The following ADAM2 variants were observed in gnomAD, a reference collection of about 807,000 sequenced individuals.
ADAM2 encodes disintegrin and metalloproteinase domain-containing protein 2.
Under a neutral mutation model 99.3 loss-of-function variants are expected in ADAM2, and 101 were observed. That is an observed-to-expected ratio of 1.02 (90% confidence interval 0.87 to 1.20). The LOEUF is 1.20. ADAM2 is among the 50% of genes most tolerant of loss of function. The pLI is 0.00. For missense variants in ADAM2, 948 were observed against 878.7 expected (o/e 1.08, Z -1.00); for synonymous variants, 323 against 287.6 (o/e 1.12, Z -1.25).
chr8:39,774,614 T>C (rs1416928596), intron 11 of ADAM2: 1 of 151,890 alleles, frequency 6.6e-6, no homozygotes, highest in Non-Finnish European at 1.5e-5. Context: ...AAGGAACAGG[T>C]CCCAACCATG....
rs187400927 is a variant in ADAM2 at position 39,801,264 on chromosome 8, G to A, written c.570+8146C>T. Among the ~76,000 whole-genome samples, 310 of 152,226 alleles carry A rather than the reference G, an allele frequency of 2.0e-3. 3 individuals are homozygous for A. The highest frequency in any genetic ancestry group is 3.0e-3 in the Non-Finnish European group (203 of 68,020). ...CGGCTTGTTTTTCTTTCAATAGTCAGGTCCCTCTTCTGTAGGGCTGCTGCA... is the reference window on the plus strand; with the variant it reads ...CGGCTTGTTTTTCTTTCAATAGTCAAGTCCCTCTTCTGTAGGGCTGCTGCA... On this transcript the variant is annotated intron_variant, in intron 7 of 20. Coordinates refer to ENST00000265708, the MANE Select transcript of ADAM2 (RefSeq NM_001464.5).
At position 39,743,943 on chromosome 8, in the gene ADAM2, C is replaced by A. The variant is rs1479043385; in HGVS notation, c.*152G>T. ...TATCTGTGAAATTATACATATATAT[C>A]ATATTTTCTGGTCAAATTAAAATCA... On this transcript the variant is annotated 3_prime_UTR_variant, in exon 21 of 21. Transcript: ENST00000265708. 1 of 152,054 alleles carries A rather than the reference C, an allele frequency of 6.6e-6. No homozygotes were observed. Among genetic ancestry groups the A allele is most frequent in the African/African-American group, 2.4e-5 (1 of 41,406 alleles). The allele number at this position is 152,054 out of a possible 1,614,324, so 9.4% of individuals were successfully genotyped here.
intron 11 of ADAM2, among the ~76,000 whole-genome samples, chr8:39,770,497 G>C (rs1222749975): frequency 1.3e-5 from 2 of 152,096 alleles, no homozygotes; most frequent in African/African-American, 4.8e-5. Context: ...GTATAACACA[G>C]TGTTTCAGAA....
intron 10 of ADAM2, among the ~76,000 whole-genome samples, chr8:39,782,434 C>T (rs1449831600): frequency 6.6e-6 from 1 of 151,808 alleles, no homozygotes; most frequent in African/African-American, 2.4e-5. Context: ...AGAATTAGCC[C>T]CTCCTTTTGT....
intron 16 of ADAM2, among the ~76,000 whole-genome samples, chr8:39,753,825 A>T (rs1802049837): frequency 6.6e-6 from 1 of 151,816 alleles, no homozygotes; most frequent in African/African-American, 2.4e-5. Context: ...ACACACACAC[A>T]CACACTCACA....
intron 6 of ADAM2, among the ~76,000 whole-genome samples, chr8:39,818,630 G>C (rs922125468): frequency 2.2e-4 from 34 of 152,040 alleles, no homozygotes; most frequent in African/African-American, 8.2e-4. Flanking sequence ...AAAGAAACAA[G>C]ATAAACTATC....
intron 20 of ADAM2, among the ~76,000 whole-genome samples, chr8:39,744,375 T>G (rs528475648): frequency 6.6e-6 from 1 of 152,216 alleles, no homozygotes; most frequent in East Asian, 1.9e-4. Flanking sequence ...TATAGCTATA[T>G]GACTGTCACT....
chr8:39,803,236 G>A (rs1804290194), intron 7 of ADAM2, among the ~76,000 whole-genome samples: 1 of 152,008 alleles, frequency 6.6e-6, no homozygotes, highest in Non-Finnish European at 1.5e-5. Flanking sequence ...GGCAAAAGGT[G>A]GAAACTTAAA....
intron 11 of ADAM2, among the ~76,000 whole-genome samples, chr8:39,774,957 G>A (rs1011513829): frequency 6.6e-6 from 1 of 152,048 alleles, no homozygotes; most frequent in East Asian, 1.9e-4. Context: ...ATTTTATGTG[G>A]GTGGTGATTC....
At chr8:39,765,765 C>A (rs975335143) in intron 14 of ADAM2, among the ~76,000 whole-genome samples, 1 of 151,936 alleles carries the variant, frequency 6.6e-6, no homozygotes, top group Non-Finnish European at 1.5e-5. Flanking sequence ...TTTTGTTTTT[C>A]TTCAAACCAA....
At chr8:39,782,899 C>T (rs1803292429) in intron 10 of ADAM2, among the ~76,000 whole-genome samples, 1 of 152,080 alleles carries the variant, frequency 6.6e-6, no homozygotes, top group Admixed American at 6.5e-5. Context: ...TTATTTCCTA[C>T]TTTATAGCGT....
At chr8:39,809,984 T>G (rs1240303849) in intron 6 of ADAM2, among the ~76,000 whole-genome samples, 1 of 152,024 alleles carries the variant, frequency 6.6e-6, no homozygotes, top group Non-Finnish European at 1.5e-5. Context: ...AGACACAGAC[T>G]GGAAAAATTG....
intron 1 of ADAM2, 111 bp downstream of exon 1, chr8:39,838,020 T>G (rs181934518): frequency 7.4e-6 from 9 of 1,221,816 alleles, no homozygotes; most frequent in Admixed American, 1.9e-5. Context: ...AATTGCTGAG[T>G]TGGAAACCCC....
At chr8:39,796,403 G>T (rs953668891) in intron 7 of ADAM2, among the ~76,000 whole-genome samples, 1 of 152,110 alleles carries the variant, frequency 6.6e-6, no homozygotes, top group Non-Finnish European at 1.5e-5. Context: ...AGTATTCCAT[G>T]GTGTATATGT....
chr8:39,824,785 A>G (rs375287420), intron 4 of ADAM2, 34 bp downstream of exon 4: 1 of 1,156,698 alleles, frequency 8.6e-7, no homozygotes, highest in Non-Finnish European at 1.3e-6. Context: ...AGACACTCAC[A>G]TGACAAAAAT....
At chr8:39,766,822 A>G in intron 14 of ADAM2, 26 bp downstream of exon 14, 1 of 1,522,098 alleles carries the variant, frequency 6.6e-7, no homozygotes, top group Non-Finnish European at 8.9e-7. Flanking sequence ...AAACGCATAT[A>G]TGAGAAATCA....
chr8:39,833,651 C>T (rs900935877), intron 3 of ADAM2, among the ~76,000 whole-genome samples: 1 of 151,828 alleles, frequency 6.6e-6, no homozygotes, highest in Admixed American at 6.6e-5. Context: ...TAAAAATAAG[C>T]CATATATATT....
At chr8:39,758,611 G>T (rs1292967378) in intron 15 of ADAM2, among the ~76,000 whole-genome samples, 1 of 151,322 alleles carries the variant, frequency 6.6e-6, no homozygotes, top group Admixed American at 6.6e-5. Context: ...CACACAGCTG[G>T]TGCTTAGGTA....
intron 15 of ADAM2, among the ~76,000 whole-genome samples, chr8:39,759,553 C>T (rs1412052505): frequency 2.0e-5 from 3 of 152,036 alleles, no homozygotes; most frequent in Non-Finnish European, 2.9e-5. Flanking sequence ...AAGAAAATAT[C>T]TTTATTTTCA....
Sources: gnomAD v4.1 joint callset for allele counts (sites outside exome capture counted in the v4.1 genomes callset) on GRCh38, gnomAD v4.1.1 for gene constraint, MANE v1.5 for transcripts, NCBI Gene and HGNC (gene_info 2026-07-23, HGNC 2026-07-21) for gene names.